The following PPP1R12B variants were observed in gnomAD, a reference collection of about 807,000 sequenced individuals.
PPP1R12B encodes myosin phosphatase target subunit 2.
PPP1R12B carries 76 observed loss-of-function variants against 126.1 expected under a neutral mutation model. The observed-to-expected ratio is 0.60, with a 90% CI of 0.50 to 0.73. The LOEUF is 0.73. PPP1R12B is among the 30% of genes least tolerant of loss of function. The pLI is 0.00. For synonymous variants in PPP1R12B, 356 were observed against 434.7 expected (o/e 0.82, Z 2.25); for missense variants, 1,052 against 1,205.1 (o/e 0.87, Z 1.88).
intron 1 of PPP1R12B, among the ~76,000 whole-genome samples, chr1:202,379,494 T>C (rs2148482642): frequency 6.6e-6 from 1 of 152,346 alleles, no homozygotes; most frequent in East Asian, 1.9e-4. Context: ...CCAGGACTTG[T>C]CAGTTCTATC....
chr1:202,437,461 CT>C (rs1285177824), intron 9 of PPP1R12B, among the ~76,000 whole-genome samples: 2 of 152,160 alleles, frequency 1.3e-5, no homozygotes, highest in Non-Finnish European at 2.9e-5. Context: ...AGTAAAGTAT[CT>C]TATATTCAGT....
rs1689685212 is a variant in PPP1R12B, at chr1:202,584,009, T to C, written c.*3449T>C. 6.6e-6 allele frequency: 1 copy of C among 152,236 alleles called. No individual in the cohort carries two copies. Among genetic ancestry groups the C allele is most frequent in the Non-Finnish European group, 1.5e-5 (1 of 68,050 alleles). The allele number at this position is 152,236 out of a possible 1,614,324, so 9.4% of individuals were successfully genotyped here. ...CTAAAGTTTGTTTTTCCAGGGCTGC[T>C]GATCCTTTTCCAGATAGCTCCAGAG... On this transcript the variant is annotated 3_prime_UTR_variant, in exon 24 of 24. Coordinates refer to ENST00000608999, the MANE Select transcript of PPP1R12B (RefSeq NM_002481.4).
intron 23 of PPP1R12B, among the ~76,000 whole-genome samples, chr1:202,570,804 C>A (rs1489631943): frequency 6.6e-6 from 1 of 152,194 alleles, no homozygotes; most frequent in South Asian, 2.1e-4. Flanking sequence ...ACTACAGGCA[C>A]GTGCCGCCAC....
intron 5 of PPP1R12B, 181 bp from the exon 6 acceptor site, chr1:202,428,670 GTTTC>G (rs1376589102): frequency 2.2e-5 from 12 of 557,080 alleles, no homozygotes; most frequent in Non-Finnish European, 3.4e-5. Flanking sequence ...AGGATTTGGT[GTTTC>G]TTGTTATGTG....
chr1:202,374,368 A>G (rs1660789829), intron 1 of PPP1R12B, among the ~76,000 whole-genome samples: 1 of 152,032 alleles, frequency 6.6e-6, no homozygotes, highest in African/African-American at 2.4e-5. Context: ...CACTGTGAAT[A>G]TAGTAGGGAA....
At chr1:202,520,734 A>T (rs1458970404) in intron 18 of PPP1R12B, among the ~76,000 whole-genome samples, 5 of 152,212 alleles carry the variant, frequency 3.3e-5, no homozygotes, top group Non-Finnish European at 5.9e-5. Context: ...TGGGACTTCT[A>T]GGTCAGGGTG....
Position 202,348,948 on chromosome 1 carries a change from C to G in PPP1R12B, c.97C>G (p.Gln33Glu). The G allele has an allele frequency of 6.2e-7, 1 of 1,602,662 alleles. No homozygotes were observed. The highest frequency in any genetic ancestry group is 8.5e-7 in the Non-Finnish European group (1 of 1,176,196). Reference protein sequence around the residue: ...LRRWRGSLTEQEPAERRGAGR... With the variant: ...LRRWRGSLTEEEPAERRGAGR... ...GCGCTGGCGGGGCTCGCTGACAGAG[C>G]AGGAGCCTGCGGAGCGACGAGGCGC... The change falls in exon 1 of 24, where the codon CAG becomes GAG. Residue 33 changes from glutamine to glutamate, a missense_variant. By Grantham distance (29) the Gln-to-Glu change is conservative. Transcript: ENST00000608999.
rs770769838 is a variant in PPP1R12B at position 202,562,848 on chromosome 1, C to T, written c.2578C>T (p.Arg860Trp). 40 of 1,612,672 alleles carry T rather than the reference C, an allele frequency of 2.5e-5. No homozygotes were observed. Among genetic ancestry groups the T allele is most frequent in the Non-Finnish European group, 3.1e-5 (37 of 1,179,536 alleles). The change falls in exon 20 of 24, where the codon CGG becomes TGG. Residue 860 changes from arginine to tryptophan, a missense_variant. Transcript: ENST00000608999. ...YGDRASARAR[R>W]EAREARLATL... ...TGACCGGGCTTCAGCAAGAGCCCGT[C>T]GGGAGGCCCGGGAGGCCCGCCTAGC...
chr1:202,502,940 G>A lies in PPP1R12B; in HGVS notation c.2490+6118G>A, dbSNP rs1408083009. 4 of 152,148 alleles carry A rather than the reference G, an allele frequency of 2.6e-5. No homozygotes were observed. The East Asian group carries it at 7.7e-4, about 29-fold the overall frequency. The allele number at this position is 152,148 out of a possible 1,614,324, so 9.4% of individuals were successfully genotyped here. ...GTGGCTACAGTGGAATGTGCAAGCA[G>A]GCCAAATGGCATCGACTGATAAGTT... On this transcript the variant is annotated intron_variant, in intron 18 of 23. Coordinates refer to ENST00000608999, the MANE Select transcript of PPP1R12B (RefSeq NM_002481.4).
chr1:202,468,724 C>T (rs1210979307), intron 13 of PPP1R12B, among the ~76,000 whole-genome samples: 41 of 152,086 alleles, frequency 2.7e-4, no homozygotes, highest in South Asian at 8.3e-4. Context: ...GAGGCTGAGG[C>T]GGGCGGATCA....
In PPP1R12B at chr1:202,488,481, A is replaced by C. The variant is rs1678435017; in HGVS notation, c.1851-52A>C. 3.7e-6 allele frequency: 5 copies of C among 1,351,828 alleles called. No individual in the cohort carries two copies. The East Asian group carries it at 1.2e-4, about 32-fold the overall frequency. 83.7% of individuals were successfully genotyped at this position (1,351,828 alleles called of 1,614,324 possible). On this transcript the variant is annotated intron_variant, in intron 13 of 23. Transcript: ENST00000608999. ...ATGTGGAAACACTTTGTCATTCCTC[A>C]AGTATATGCAGCAAAGATCTTGCTT...
At chr1:202,443,029 AGC>A (rs974375900) in intron 12 of PPP1R12B, 13 of 876,374 alleles carry the variant, frequency 1.5e-5, no homozygotes, top group African/African-American at 3.6e-5. Flanking sequence ...TTCATACTGA[AGC>A]CTGTTAATTT....
intron 18 of PPP1R12B, among the ~76,000 whole-genome samples, chr1:202,551,777 G>A (rs1383359282): frequency 1.3e-5 from 2 of 152,160 alleles, no homozygotes; most frequent in African/African-American, 2.4e-5. Context: ...TGTGAAGTGC[G>A]AAAAGAACTC....
intron 18 of PPP1R12B, among the ~76,000 whole-genome samples, chr1:202,540,466 C>T (rs551248881): frequency 2.6e-5 from 4 of 152,274 alleles, no homozygotes; most frequent in South Asian, 2.1e-4. Flanking sequence ...TTAAATATGT[C>T]GGGCTACAGT....
chr1:202,349,387 T>A (rs954468888), intron 1 of PPP1R12B, among the ~76,000 whole-genome samples: 1 of 152,204 alleles, frequency 6.6e-6, no homozygotes, highest in African/African-American at 2.4e-5. Flanking sequence ...CTCCACCTAC[T>A]TGTGTTGTCA....
At chr1:202,361,207 A>G (rs1269906032) in intron 1 of PPP1R12B, among the ~76,000 whole-genome samples, 3 of 152,118 alleles carry the variant, frequency 2.0e-5, no homozygotes, top group Non-Finnish European at 4.4e-5. Context: ...TTAACTCTTA[A>G]CTGAAGTTCC....
At chr1:202,550,699 G>C (rs1035419048) in intron 18 of PPP1R12B, among the ~76,000 whole-genome samples, 1 of 152,158 alleles carries the variant, frequency 6.6e-6, no homozygotes, top group African/African-American at 2.4e-5. Flanking sequence ...ATGTGCTAGA[G>C]CCACACAAGT....
Position 202,495,382 on chromosome 1 carries a change from C to A in PPP1R12B, c.2235C>A (p.Thr745=). Reference sequence around the variant, plus strand: ...CTACGTCAAGACCCTCACTCTACACCAGTTCCCACCTGCTATGGACAAATA... The same window carrying A: ...CTACGTCAAGACCCTCACTCTACACAAGTTCCCACCTGCTATGGACAAATA... ...SPSTSRPSLY[T]SSHLLWTNRF... The change falls in exon 16 of 24, where the codon ACC becomes ACA. Residue 745 remains threonine, a synonymous_variant. Transcript: ENST00000608999. The A allele has an allele frequency of 6.2e-7, 1 of 1,611,162 alleles. No individual in the cohort carries two copies. Among genetic ancestry groups the A allele is most frequent in the Non-Finnish European group, 8.5e-7 (1 of 1,178,222 alleles).
Position 202,567,705 on chromosome 1 carries a change from C to G in PPP1R12B, c.2758-73C>G. On this transcript the variant is annotated intron_variant, in intron 21 of 23. Coordinates refer to ENST00000608999, the MANE Select transcript of PPP1R12B (RefSeq NM_002481.4). ...TATTTCTAGATGTCTAGTAGTGAAG[C>G]TGAACTAGACTGGGCGTTCTACTGG... 4 of 1,504,788 alleles carry G rather than the reference C, an allele frequency of 2.7e-6. 1 individual carries two copies. The highest frequency in any genetic ancestry group is 3.7e-6 in the Non-Finnish European group (4 of 1,086,108). The allele number at this position is 1,504,788 out of a possible 1,614,324, so 93.2% of individuals were successfully genotyped here.
Sources: gnomAD v4.1 joint callset for allele counts (sites outside exome capture counted in the v4.1 genomes callset) on GRCh38, gnomAD v4.1.1 for gene constraint, MANE v1.5 for transcripts, NCBI Gene and HGNC (gene_info 2026-07-23, HGNC 2026-07-21) for gene names.